ANKRD53: variants seen among roughly 807,000 people sequenced by gnomAD.
ANKRD53 encodes the protein ankyrin repeat domain 53.
In ANKRD53, 27 loss-of-function variants were observed where a neutral mutation model predicts 30.1. The ratio of observed to expected loss-of-function variants is 0.90; its 90% CI spans 0.66 to 1.24. ANKRD53 has a LOEUF of 1.24. ANKRD53 is among the 50% of genes most tolerant of loss of function. The pLI is 0.00. For synonymous variants in ANKRD53, 286 were observed against 295.4 expected (o/e 0.97, Z 0.33); for missense variants, 682 against 721.0 (o/e 0.95, Z 0.62).
In ANKRD53 at chr2:70,982,574, C is replaced by T. The variant is rs1465828396; in HGVS notation, c.783-3C>T. 2 of 1,613,934 alleles carry T rather than the reference C, an allele frequency of 1.2e-6. No homozygotes were observed. Among genetic ancestry groups the T allele is most frequent in the Non-Finnish European group, 8.5e-7 (1 of 1,179,956 alleles). ...GACACCCCCGCCCTGACCTTGGCAC[C>T]AGGTTCTTGAAGGATGCCATGTGGA... On this transcript the variant is annotated splice_region_variant and splice_polypyrimidine_tract_variant and intron_variant, in intron 4 of 5. Coordinates refer to ENST00000360589, the MANE Select transcript of ANKRD53 (RefSeq NM_001115116.2). The surrounding 1 kb of genome is among the most constrained non-coding windows in gnomAD (Gnocchi z 4.2).
intron 3 of ANKRD53, among the ~76,000 whole-genome samples, chr2:70,981,494 T>A (rs1670008140): frequency 6.6e-6 from 1 of 152,082 alleles, no homozygotes; most frequent in African/African-American, 2.4e-5. Flanking sequence ...GGAAAAGTGT[T>A]CCAGGTAGAG....
chr2:70,982,288 C>G lies in ANKRD53; in HGVS notation c.782+188C>G, dbSNP rs1214886291. On this transcript the variant is annotated intron_variant, in intron 4 of 5. Coordinates refer to ENST00000360589, the MANE Select transcript of ANKRD53 (RefSeq NM_001115116.2). This position sits in a 1 kb window ranked among gnomAD's most constrained non-coding sequence, Gnocchi z 4.2. ...TCATCACCTGGGCTTGGGGGTAAGT[C>G]TGCCCAGGTCCCCTGCTCTCTGGGT... 3.8e-6 allele frequency: 3 copies of G among 782,004 alleles called. No homozygotes were observed. Among genetic ancestry groups the G allele is most frequent in the African/African-American group, 1.8e-5 (1 of 56,944 alleles). The allele number at this position is 782,004 out of a possible 1,614,324, so 48.4% of individuals were successfully genotyped here. A position where few individuals can be genotyped will look rare whatever the true frequency, so the allele number is the denominator to read the frequency against.
chr2:70,978,866 A>G lies in ANKRD53; in HGVS notation c.170+51A>G, dbSNP rs1669908065. 2 of 1,527,572 alleles carry G rather than the reference A, an allele frequency of 1.3e-6. No individual in the cohort carries two copies. Among genetic ancestry groups the G allele is most frequent in the African/African-American group, 2.8e-5 (2 of 70,844 alleles). The allele number at this position is 1,527,572 out of a possible 1,614,324, so 94.6% of individuals were successfully genotyped here. A position where few individuals can be genotyped will look rare whatever the true frequency, so the allele number is the denominator to read the frequency against. On this transcript the variant is annotated intron_variant, in intron 1 of 5. Coordinates refer to ENST00000360589, the MANE Select transcript of ANKRD53 (RefSeq NM_001115116.2). This position sits in a 1 kb window ranked among gnomAD's most constrained non-coding sequence, Gnocchi z 4.3. ...GCTGCAGGGAGCGAGAACCCGGCCCAGCGCCTCCCTGGTGGGCAGGGCCTG... is the reference window on the plus strand; with the variant it reads ...GCTGCAGGGAGCGAGAACCCGGCCCGGCGCCTCCCTGGTGGGCAGGGCCTG...
At position 70,985,096 on chromosome 2, in the gene ANKRD53, A is replaced by C; in HGVS notation, c.1389A>C (p.Val463=). ...EVLLRMLYPR[V]WPYRMKVPQG... ...TGCTGCGCATGCTGTACCCACGTGT[A>C]TGGCCATACAGAATGAAGGTGCCCC... Residue 463 remains valine, a synonymous_variant, in exon 6 of 6, where the codon GTA becomes GTC. Transcript: ENST00000360589. The C allele has an allele frequency of 6.4e-7, 1 of 1,550,896 alleles. No individual in the cohort carries two copies. The highest frequency in any genetic ancestry group is 8.7e-7 in the Non-Finnish European group (1 of 1,147,002).
Position 70,985,330 on chromosome 2 carries a change from C to A in ANKRD53, c.*30C>A. The stretch of plus-strand genomic sequence containing the variant: ...ATTATGGCTACCTCTCCCCCTGAGG[C>A]AGCCCAGTGAAGGCTGAAGTGTGGC... On this transcript the variant is annotated 3_prime_UTR_variant, in exon 6 of 6. Transcript: ENST00000360589. 6.5e-7 allele frequency: 1 copy of A among 1,527,002 alleles called. No individual in the cohort carries two copies. Among genetic ancestry groups the A allele is most frequent in the Non-Finnish European group, 8.8e-7 (1 of 1,131,444 alleles). 94.6% of individuals were successfully genotyped at this position (1,527,002 alleles called of 1,614,324 possible).
Position 70,979,642 on chromosome 2 carries a change from C to T in ANKRD53, c.418-19C>T. ...CTCAGTCCCACTCAGCCTCCTCCTGCCTGCTCTGAACCTCACAGGGCTTCA... is the reference window on the plus strand; with the variant it reads ...CTCAGTCCCACTCAGCCTCCTCCTGTCTGCTCTGAACCTCACAGGGCTTCA... On this transcript the variant is annotated intron_variant, in intron 2 of 5. Transcript: ENST00000360589. The T allele has an allele frequency of 6.2e-7, 1 of 1,609,014 alleles. No homozygotes were observed. The highest frequency in any genetic ancestry group is 1.1e-5 in the South Asian group (1 of 90,340).
chr2:70,978,829 G>A lies in ANKRD53; in HGVS notation c.170+14G>A. 6.4e-7 allele frequency: 1 copy of A among 1,554,642 alleles called. No individual in the cohort carries two copies. Among genetic ancestry groups the A allele is most frequent in the Non-Finnish European group, 8.7e-7 (1 of 1,150,394 alleles). ...CAAGCAGCCCAGGTGGGTAGCGGGA[G>A]AAGGTGTCCCGGCTGCAGGGAGCGA... is the stretch of plus-strand genomic sequence containing the variant. On this transcript the variant is annotated intron_variant, in intron 1 of 5. Transcript: ENST00000360589. This position sits in a 1 kb window ranked among gnomAD's most constrained non-coding sequence, Gnocchi z 4.3.
intron 5 of ANKRD53, among the ~76,000 whole-genome samples, chr2:70,983,430 T>C (rs1349569847): frequency 6.6e-6 from 1 of 152,196 alleles, no homozygotes; most frequent in Non-Finnish European, 1.5e-5. Context: ...GTGAAGGACC[T>C]TGGCTGGGGA....
In ANKRD53 at chr2:70,978,825, G is replaced by C. The variant is rs1669905790; in HGVS notation, c.170+10G>C. The C allele has an allele frequency of 1.3e-6, 2 of 1,554,454 alleles. No individual in the cohort carries two copies. The highest frequency in any genetic ancestry group is 1.7e-6 in the Non-Finnish European group (2 of 1,150,574). ...AGTCCAAGCAGCCCAGGTGGGTAGC[G>C]GGAGAAGGTGTCCCGGCTGCAGGGA... On this transcript the variant is annotated intron_variant, in intron 1 of 5. Transcript: ENST00000360589. The surrounding 1 kb of genome is among the most constrained non-coding windows in gnomAD (Gnocchi z 4.3).
At position 70,985,473 on chromosome 2, in the gene ANKRD53, G is replaced by A. The variant is rs1385575285; in HGVS notation, c.*173G>A. 2 of 618,884 alleles carry A rather than the reference G, an allele frequency of 3.2e-6. No homozygotes were observed. Among genetic ancestry groups the A allele is most frequent in the East Asian group, 5.9e-5 (2 of 33,936 alleles). 38.3% of individuals were successfully genotyped at this position (618,884 alleles called of 1,614,324 possible). A position where few individuals can be genotyped will look rare whatever the true frequency, so the allele number is the denominator to read the frequency against. ...CAGACCCCAGGCCTCCCTTTTCTCT[G>A]CAAATAAATCTCTTGGCACCCCCCC... On this transcript the variant is annotated 3_prime_UTR_variant, in exon 6 of 6. Transcript: ENST00000360589.
chr2:70,978,659 G>A lies in ANKRD53; in HGVS notation c.14G>A (p.Gly5Asp). The A allele has an allele frequency of 3.2e-6, 5 of 1,541,180 alleles. No individual in the cohort carries two copies. The highest frequency in any genetic ancestry group is 4.4e-6 in the Non-Finnish European group (5 of 1,144,118). Residue 5 changes from glycine (G) to aspartate (D), a missense_variant, in exon 1 of 6, where the codon GGC becomes GAC. By Grantham distance (94) the Gly-to-Asp change is moderately conservative. Coordinates refer to ENST00000360589, the MANE Select transcript of ANKRD53 (RefSeq NM_001115116.2). The surrounding 1 kb of genome is among the most constrained non-coding windows in gnomAD (Gnocchi z 4.3). ...TCCAGCCCCGCGATGGCCTCCGCGG[G>A]CAGCACCGCTCGGCGGGCGGGCTCC... MASAGSTARRAGSGS... is the reference protein window; with the variant it reads MASADSTARRAGSGS...
Position 70,985,141 on chromosome 2 carries a change from C to T in ANKRD53, c.1434C>T (p.Ser478=). Residue 478 remains serine, a synonymous_variant, in exon 6 of 6, where the codon AGC becomes AGT. Transcript: ENST00000360589. Reference sequence around the variant, plus strand: ...TGCCCCAGGGCTTTTACCCCATCAGCATGAGGGAAGTGCCCAGGAAGCGGC... The same window carrying T: ...TGCCCCAGGGCTTTTACCCCATCAGTATGAGGGAAGTGCCCAGGAAGCGGC... The part of the protein sequence containing the change: ...MKVPQGFYPI[S]MREVPRKRHL... 6.4e-7 allele frequency: 1 copy of T among 1,551,200 alleles called. No individual in the cohort carries two copies. Among genetic ancestry groups the T allele is most frequent in the Non-Finnish European group, 8.7e-7 (1 of 1,146,872 alleles).
intron 3 of ANKRD53, among the ~76,000 whole-genome samples, chr2:70,980,705 G>C (rs972077328): frequency 2.0e-5 from 3 of 152,174 alleles, no homozygotes; most frequent in Admixed American, 6.5e-5. Flanking sequence ...CAGCACTTTG[G>C]GAGGCTGGGG....
Position 70,982,166 on chromosome 2 carries a change from GC to G in ANKRD53, c.782+69del. 1 of 1,515,496 alleles carries G rather than the reference GC, an allele frequency of 6.6e-7. No homozygotes were observed. The highest frequency in any genetic ancestry group is 8.9e-7 in the Non-Finnish European group (1 of 1,126,866). The allele number at this position is 1,515,496 out of a possible 1,614,324, so 93.9% of individuals were successfully genotyped here. On this transcript the variant is annotated intron_variant, in intron 4 of 5. Coordinates refer to ENST00000360589, the MANE Select transcript of ANKRD53 (RefSeq NM_001115116.2). The surrounding 1 kb of genome is among the most constrained non-coding windows in gnomAD (Gnocchi z 4.2). ...CCCCTCCCCCAGCCTTTTCCCTAGG[GC>G]CCTCACCACAGCTGAGCCTTTAAGG... is the stretch of plus-strand genomic sequence containing the variant.
At position 70,985,429 on chromosome 2, in the gene ANKRD53, C is replaced by T. The variant is rs896871732; in HGVS notation, c.*129C>T. 2.6e-4 allele frequency: 213 copies of T among 828,542 alleles called. No homozygotes were observed. Among genetic ancestry groups the T allele is most frequent in the Non-Finnish European group, 2.6e-4 (141 of 544,032 alleles). The allele number at this position is 828,542 out of a possible 1,614,324, so 51.3% of individuals were successfully genotyped here. A position where few individuals can be genotyped will look rare whatever the true frequency, so the allele number is the denominator to read the frequency against. ...TCCCACTCCCAAGCTCGAGGAGTCA[C>T]CCTTCCCAATCAAAAGCCCAGACCC... On this transcript the variant is annotated 3_prime_UTR_variant, in exon 6 of 6. Transcript: ENST00000360589.
chr2:70,978,542 G>A (rs1244660960), upstream of ANKRD53: 29 of 1,332,106 alleles, frequency 2.2e-5, no homozygotes, highest in Non-Finnish European at 2.8e-5. The surrounding 1 kb of genome is among the most constrained non-coding windows in gnomAD (Gnocchi z 4.3). Context: ...GCCTGGAAGG[G>A]GCCGGGAAAC....
At chr2:70,985,497 C>CCA (rs1553424789) in exon 6 of ANKRD53, 1 of 583,798 alleles carries the variant, frequency 1.7e-6, no homozygotes, top group African/African-American at 1.9e-5. Context: ...TGGCACCCCC[C>CCA]CACCGCCGCC....
rs549901781 is a variant in ANKRD53 at position 70,979,489 on chromosome 2, C to T, written c.417+146C>T. On this transcript the variant is annotated intron_variant, in intron 2 of 5. Transcript: ENST00000360589. ...GGCTGTGGAAGGACCATTTTGGGGG[C>T]AGGGAGGTTGGGTGGGCTGATGAAC... The T allele has an allele frequency of 6.3e-5, 92 of 1,466,746 alleles. 2 individuals are homozygous for T. In the South Asian group the frequency reaches 1.2e-3, roughly 19 times the overall value. The allele number at this position is 1,466,746 out of a possible 1,614,324, so 90.9% of individuals were successfully genotyped here. A position where few individuals can be genotyped will look rare whatever the true frequency, so the allele number is the denominator to read the frequency against.
chr2:70,983,043 T>G (rs954582395), intron 5 of ANKRD53, among the ~76,000 whole-genome samples: 1 of 152,200 alleles, frequency 6.6e-6, no homozygotes, highest in South Asian at 2.1e-4. Flanking sequence ...GTTAAAAAGA[T>G]CCACCCTTCC....
Sources: allele counts gnomAD v4.1 joint callset (sites outside exome capture counted in the v4.1 genomes callset), GRCh38; gene constraint gnomAD v4.1.1; non-coding constraint Gnocchi (gnomAD v3.1); transcripts MANE v1.5; gene names NCBI Gene and HGNC (gene_info 2026-07-23, HGNC 2026-07-21).